Variants in GSE1 observed in about 807,000 individuals in gnomAD.
GSE1 encodes Gse1 coiled-coil protein, also known as genetic suppressor element 1.
GSE1 carries 32 observed loss-of-function variants against 112.6 expected under a neutral mutation model. The observed-to-expected ratio is 0.28, with a 90% CI of 0.21 to 0.38. The LOEUF (loss-of-function observed/expected upper bound fraction) is 0.38, where lower values mean the gene tolerates loss of function less well. Ranked by LOEUF, GSE1 falls within the 10% of genes least tolerant of loss-of-function variation. The pLI is 1.00. For missense variants in GSE1, 2,348 were observed against 1,699.2 expected, an observed-to-expected ratio of 1.38 and a Z score of -6.71; for synonymous variants, 1,115 against 735.6, an observed-to-expected ratio of 1.52 and a Z score of -8.35.
At chr16:85,605,948 C>T (rs942594915) in intron 1 of GSE1, among the ~76,000 whole-genome samples, 2 of 152,124 alleles carry the variant, frequency 1.3e-5, no homozygotes, top group African/African-American at 2.4e-5. Context: ...ACCCTGCTCC[C>T]CTCTGATTGC....
At position 85,663,365 on chromosome 16, in the gene GSE1, T is replaced by C. The variant is rs1379631766; in HGVS notation, c.2395T>C (p.Phe799Leu). 1 of 1,613,842 alleles carries C rather than the reference T, an allele frequency of 6.2e-7. No homozygotes were observed. The highest frequency in any genetic ancestry group is 8.5e-7 in the Non-Finnish European group (1 of 1,179,988). Residue 799 changes from phenylalanine (F) to leucine (L), a missense_variant, in exon 11 of 16, where the codon TTT becomes CTT. Physicochemically the swap from Phe to Leu is conservative, Grantham distance 22 (BLOSUM62 0). Coordinates refer to ENST00000253458, the MANE Select transcript of GSE1 (RefSeq NM_014615.5). ...SSEKLEFLQLFGLTTQQQKEE... is the reference protein window; with the variant it reads ...SSEKLEFLQLLGLTTQQQKEE... ...CTAGAAGCTAGAGTTTTTGCAACTT[T>C]TTGGCTTGACCACCCAACAGCAGAA...
intron 2 of GSE1, among the ~76,000 whole-genome samples, chr16:85,480,979 C>T (rs1205525861): frequency 6.6e-6 from 1 of 152,254 alleles, no homozygotes; most frequent in African/African-American, 2.4e-5. Flanking sequence ...CCTGGGACAG[C>T]GTGTGCTGCC....
At chr16:85,251,182 T>C (rs912628477) in intron 1 of GSE1, among the ~76,000 whole-genome samples, 35 of 152,326 alleles carry the variant, frequency 2.3e-4, no homozygotes, top group African/African-American at 8.4e-4. Flanking sequence ...GTTATGGCTC[T>C]TGGGCACCTC....
chr16:85,169,896 CGCAGGCGGCCGCCGTGGCGGCGCCGGG>C (rs2074330295), exon 1 of GSE1: 1 of 984,242 alleles, frequency 1.0e-6, no homozygotes. Flanking sequence ...GCGACGCGGG[CGCAGGCGGCCGCCGTGGCGGCGCCGGG>C]GCCCCCCGCG....
chr16:85,179,077 T>C (rs1403691590), intron 1 of GSE1, among the ~76,000 whole-genome samples: 1 of 152,080 alleles, frequency 6.6e-6, no homozygotes, highest in Admixed American at 6.5e-5. Context: ...AGTCACGAAG[T>C]TGTGCACCAC....
intron 1 of GSE1, among the ~76,000 whole-genome samples, chr16:85,566,784 T>C (rs1431870309): frequency 2.0e-5 from 3 of 152,216 alleles, no homozygotes; most frequent in Non-Finnish European, 4.4e-5. Context: ...AACCGTTTGC[T>C]GGTTTCCCGT....
intron 2 of GSE1, among the ~76,000 whole-genome samples, chr16:85,438,340 T>C (rs1350414781): frequency 6.6e-6 from 1 of 151,872 alleles, no homozygotes; most frequent in Non-Finnish European, 1.5e-5. Context: ...CTGGGGAAAG[T>C]GGGGAGTGGT....
At chr16:85,522,650 C>T (rs550025361) in intron 2 of GSE1, among the ~76,000 whole-genome samples, 28 of 152,328 alleles carry the variant, frequency 1.8e-4, no homozygotes, top group African/African-American at 6.7e-4. Flanking sequence ...CCCAGGTTCA[C>T]AGCAGGCCGG....
intron 2 of GSE1, among the ~76,000 whole-genome samples, chr16:85,505,801 G>A (rs983205098): frequency 6.6e-6 from 1 of 152,110 alleles, no homozygotes. Context: ...AGGAGTTCAA[G>A]ACCAGCTTGG....
In GSE1 at chr16:85,350,929, A is replaced by G. The variant is rs577196450; in HGVS notation, c.2284-6534A>G. Reference sequence around the variant, plus strand: ...CGAGTAGCTGGGATTACAGGCGCCCACTACCGTGCCCGGCTAATTATTGCA... The same window carrying G: ...CGAGTAGCTGGGATTACAGGCGCCCGCTACCGTGCCCGGCTAATTATTGCA... On this transcript the variant is annotated intron_variant, in intron 1 of 2. Coordinates refer to the GSE1 transcript ENST00000637419. 2.6e-5 allele frequency among the ~76,000 whole-genome samples: 4 copies of G among 152,278 alleles called. No homozygotes were observed. In the East Asian group the frequency reaches 7.7e-4, roughly 29 times the overall value.
intron 2 of GSE1, among the ~76,000 whole-genome samples, chr16:85,459,063 G>A (rs575120167): frequency 7.9e-5 from 12 of 152,306 alleles, no homozygotes; most frequent in East Asian, 1.9e-4. Context: ...GAGACTTTCC[G>A]TCGGCTGCTG....
intron 1 of GSE1, among the ~76,000 whole-genome samples, chr16:85,277,077 A>C (rs1909440367): frequency 6.6e-6 from 1 of 152,076 alleles, no homozygotes; most frequent in African/African-American, 2.4e-5. Context: ...GAATGGATTG[A>C]ATCTGGGGAA....
chr16:85,402,642 C>G (rs1224215393), intron 2 of GSE1, among the ~76,000 whole-genome samples: 1 of 152,176 alleles, frequency 6.6e-6, no homozygotes, highest in African/African-American at 2.4e-5. Flanking sequence ...TGCCCCAAGG[C>G]CAGGCATGGT....
rs961778745 is a variant in GSE1 at position 85,311,952 on chromosome 16, C to A, written c.2284-45511C>A. On this transcript the variant is annotated intron_variant, in intron 1 of 2. Coordinates refer to the GSE1 transcript ENST00000637419. This position sits in a 1 kb window ranked among gnomAD's most constrained non-coding sequence, Gnocchi z 4.2. ...CCAGCACTGCCCAGCCCCAGCCCCG[C>A]ACCACTGTCCTCATGTCTGGAGATG... 6.6e-6 allele frequency among the ~76,000 whole-genome samples: 1 copy of A among 152,200 alleles called. No individual in the cohort carries two copies. Among genetic ancestry groups the A allele is most frequent in the Non-Finnish European group, 1.5e-5 (1 of 68,042 alleles).
intron 1 of GSE1, among the ~76,000 whole-genome samples, chr16:85,563,629 G>C (rs975597233): frequency 1.3e-5 from 2 of 152,232 alleles, no homozygotes; most frequent in African/African-American, 4.8e-5. Flanking sequence ...GAAGGATCCG[G>C]GCAGCTCCAT....
chr16:85,352,633 A>G (rs1469268002), intron 1 of GSE1, among the ~76,000 whole-genome samples: 1 of 152,204 alleles, frequency 6.6e-6, no homozygotes, highest in Non-Finnish European at 1.5e-5. Flanking sequence ...ATGTGGCCTT[A>G]GAAGGATAAG....
chr16:85,285,366 T>TC (rs2044989462), intron 1 of GSE1: 1 of 152,184 alleles, frequency 6.6e-6, no homozygotes, highest in Non-Finnish European at 1.5e-5. Flanking sequence ...AGCAGCAGGG[T>TC]TACCTCCTTA....
intron 2 of GSE1, among the ~76,000 whole-genome samples, chr16:85,399,234 T>C (rs1469044494): frequency 6.6e-6 from 1 of 152,108 alleles, no homozygotes; most frequent in African/African-American, 2.4e-5. Flanking sequence ...TTCATCACTG[T>C]CAGCTCCTGA....
At chr16:85,559,082 T>A (rs2151277972) in intron 1 of GSE1, among the ~76,000 whole-genome samples, 1 of 152,274 alleles carries the variant, frequency 6.6e-6, no homozygotes, top group East Asian at 1.9e-4. Context: ...GGTCTCGAAC[T>A]CCTGACCTCA....
Sources: allele counts gnomAD v4.1 joint callset (sites outside exome capture counted in the v4.1 genomes callset), GRCh38; gene constraint gnomAD v4.1.1; non-coding constraint Gnocchi (gnomAD v3.1); transcripts MANE v1.5; gene names NCBI Gene and HGNC (gene_info 2026-07-23, HGNC 2026-07-21).